Variants in WWC2 observed in about 807,000 individuals in gnomAD.
WWC2 encodes the protein protein WWC2.
A neutral mutation model predicts 138.5 loss-of-function variants in WWC2; 101 were observed. The ratio of observed to expected loss-of-function variants is 0.73; its 90% CI spans 0.62 to 0.86. WWC2 has a LOEUF of 0.86. WWC2 is among the 40% of genes least tolerant of loss of function. The pLI, the probability that WWC2 is intolerant of heterozygous loss-of-function variation, is 0.00. For synonymous variants in WWC2, 558 were observed against 538.4 expected (o/e 1.04, Z -0.50); for missense variants, 1,420 against 1,419.4 (o/e 1.00, Z -0.01).
rs181086512 is a variant in WWC2, at chr4:183,221,751, C to T, written c.522+12726C>T. On this transcript the variant is annotated intron_variant, in intron 4 of 22. Coordinates refer to ENST00000403733, the MANE Select transcript of WWC2 (RefSeq NM_024949.6). The stretch of plus-strand genomic sequence containing the variant: ...AAACATTTATTGGGTATAGCTACAG[C>T]AGTGCTTAATGGGAAGCCATTAGCA... 2.2e-3 allele frequency among the ~76,000 whole-genome samples: 329 copies of T among 152,234 alleles called. 1 individual carries two copies. The highest frequency in any genetic ancestry group is 7.7e-3 in the African/African-American group (319 of 41,540).
intron 21 of WWC2, among the ~76,000 whole-genome samples, chr4:183,309,394 A>G (rs1193022418): frequency 6.6e-6 from 1 of 152,204 alleles, no homozygotes; most frequent in African/African-American, 2.4e-5. Context: ...ACAATACAAA[A>G]CAAACACCCA....
intron 9 of WWC2, among the ~76,000 whole-genome samples, chr4:183,255,442 G>T (rs765641779): frequency 6.6e-6 from 1 of 152,158 alleles, no homozygotes; most frequent in Admixed American, 6.5e-5. Flanking sequence ...TTCTAGCTAC[G>T]GATAGTCATC....
intron 1 of WWC2, among the ~76,000 whole-genome samples, chr4:183,101,592 T>A (rs909629460): frequency 2.6e-5 from 4 of 152,228 alleles, no homozygotes; most frequent in Non-Finnish European, 4.4e-5. Context: ...CATTATATAC[T>A]CAGTTTAAAT....
At chr4:183,283,714 T>G (rs1183180108) in intron 18 of WWC2, among the ~76,000 whole-genome samples, 2 of 152,232 alleles carry the variant, frequency 1.3e-5, no homozygotes, top group Non-Finnish European at 2.9e-5. Context: ...ACAACTCAGC[T>G]TCACAACAGT....
intron 4 of WWC2, among the ~76,000 whole-genome samples, chr4:183,209,383 A>C (rs1388107210): frequency 3.3e-5 from 5 of 152,132 alleles, no homozygotes; most frequent in Non-Finnish European, 7.3e-5. Context: ...GCGTGCCACT[A>C]TGCACAACTA....
At chr4:183,185,015 G>A (rs576795055) in intron 1 of WWC2, among the ~76,000 whole-genome samples, 14 of 152,126 alleles carry the variant, frequency 9.2e-5, no homozygotes, top group Middle Eastern at 3.4e-3. Context: ...GTTGGATTAG[G>A]GATCCAATCT....
chr4:183,143,145 A>C (rs1239033261), intron 1 of WWC2, among the ~76,000 whole-genome samples: 1 of 152,200 alleles, frequency 6.6e-6, no homozygotes, highest in African/African-American at 2.4e-5. Flanking sequence ...GTTTTATTGA[A>C]ATAATATTAA....
intron 1 of WWC2, among the ~76,000 whole-genome samples, chr4:183,111,465 A>T (rs940352150): frequency 6.6e-6 from 1 of 152,306 alleles, no homozygotes; most frequent in South Asian, 2.1e-4. Flanking sequence ...TATGGTTTTT[A>T]ATAGAGATAC....
At chr4:183,118,552 T>C (rs1180655673) in intron 1 of WWC2, among the ~76,000 whole-genome samples, 1 of 152,258 alleles carries the variant, frequency 6.6e-6, no homozygotes, top group East Asian at 1.9e-4. Flanking sequence ...CCTGTGTTGC[T>C]ATGAGCAACA....
intron 1 of WWC2, among the ~76,000 whole-genome samples, chr4:183,120,761 A>G (rs1477286133): frequency 6.6e-6 from 1 of 152,226 alleles, no homozygotes; most frequent in Admixed American, 6.5e-5. Flanking sequence ...ACAATAAAAT[A>G]CATTTATTTA....
At chr4:183,103,007 T>C (rs190567492) in intron 1 of WWC2, among the ~76,000 whole-genome samples, 306 of 152,134 alleles carry the variant, frequency 2.0e-3, no homozygotes, top group Non-Finnish European at 3.6e-3. Flanking sequence ...CAACTCCCAG[T>C]AGAATTTTGC....
At chr4:183,277,227 G>A (rs1414501110) in intron 16 of WWC2, among the ~76,000 whole-genome samples, 10 of 149,090 alleles carry the variant, frequency 6.7e-5, no homozygotes, top group African/African-American at 1.5e-4. Flanking sequence ...GAGAATATGC[G>A]GTGTTTGGTT....
intron 5 of WWC2, among the ~76,000 whole-genome samples, 170 bp from the exon 6 acceptor site, chr4:183,245,246 A>G (rs868570247): frequency 0.013 from 1,966 of 145,796 alleles, 33 homozygotes; most frequent in African/African-American, 0.052. Context: ...AAAAAAAAAA[A>G]AAAGAGAGAG....
intron 1 of WWC2, among the ~76,000 whole-genome samples, chr4:183,149,821 A>T (rs967839221): frequency 2.0e-4 from 31 of 152,178 alleles, no homozygotes; most frequent in African/African-American, 6.8e-4. Flanking sequence ...GCAGCCGTTG[A>T]TATCTACTGT....
chr4:183,170,301 G>A (rs151241462), intron 1 of WWC2, among the ~76,000 whole-genome samples: 1 of 152,286 alleles, frequency 6.6e-6, no homozygotes, highest in Non-Finnish European at 1.5e-5. Context: ...AACCAGTTCA[G>A]CCTCACTGAG....
intron 1 of WWC2, among the ~76,000 whole-genome samples, chr4:183,138,989 AT>A (rs1733208543): frequency 6.6e-6 from 1 of 152,180 alleles, no homozygotes; most frequent in Non-Finnish European, 1.5e-5. Context: ...TGCATCTTGA[AT>A]TCTAGTCAAA....
chr4:183,217,387 A>G (rs1034444294), intron 4 of WWC2, among the ~76,000 whole-genome samples: 2 of 152,230 alleles, frequency 1.3e-5, no homozygotes, highest in African/African-American at 4.8e-5. Context: ...GTTTAAACAT[A>G]TTCACTTTAT....
At chr4:183,175,365 G>C (rs758329366) in intron 1 of WWC2, among the ~76,000 whole-genome samples, 16 of 152,092 alleles carry the variant, frequency 1.1e-4, no homozygotes, top group Admixed American at 9.2e-4. Flanking sequence ...GGGCTCAGGT[G>C]ATCCTCCCAC....
intron 1 of WWC2, among the ~76,000 whole-genome samples, chr4:183,138,725 C>T (rs185214771): frequency 6.8e-4 from 104 of 152,346 alleles, no homozygotes; most frequent in African/African-American, 2.5e-3. Flanking sequence ...TGCTTTCCTT[C>T]AGTTCCTGGC....
Sources: gnomAD v4.1 joint callset for allele counts (sites outside exome capture counted in the v4.1 genomes callset) on GRCh38, gnomAD v4.1.1 for gene constraint, MANE v1.5 for transcripts, NCBI Gene and HGNC (gene_info 2026-07-23, HGNC 2026-07-21) for gene names.